The following SLC44A2 variants were observed in gnomAD, a reference collection of about 807,000 sequenced individuals.
The protein encoded by SLC44A2 is solute carrier family 44 member 2 (CTL2 blood group), also known as choline transporter-like protein 2.
SLC44A2 carries 57 observed loss-of-function variants against 90.8 expected under a neutral mutation model. That is an observed-to-expected ratio of 0.63 (90% CI 0.51 to 0.78). The LOEUF (loss-of-function observed/expected upper bound fraction) is 0.78, where lower values mean the gene tolerates loss of function less well. Ranked by LOEUF, SLC44A2 falls within the 30% of genes least tolerant of loss-of-function variation. SLC44A2 has a pLI of 0.00. For missense variants in SLC44A2, 794 were observed against 919.7 expected, an observed-to-expected ratio of 0.86 and a Z score of 1.77; for synonymous variants, 355 against 360.7, an observed-to-expected ratio of 0.98 and a Z score of 0.18.
intron 20 of SLC44A2, among the ~76,000 whole-genome samples, chr19:10,640,052 GGC>G (rs2067098647): frequency 6.6e-6 from 1 of 151,084 alleles, no homozygotes; most frequent in African/African-American, 2.4e-5. Context: ...AGTAATCTTG[GGC>G]AAATTATTTA....
At chr19:10,629,203 CAA>C (rs750866963) in intron 4 of SLC44A2, among the ~76,000 whole-genome samples, 11 of 115,500 alleles carry the variant, frequency 9.5e-5, no homozygotes, top group Admixed American at 8.8e-5. Context: ...GACTCCATCT[CAA>C]AAAAAAAAAA....
intron 4 of SLC44A2, among the ~76,000 whole-genome samples, 158 bp from the exon 5 acceptor site, chr19:10,630,899 G>A (rs2066986631): frequency 6.6e-6 from 1 of 151,144 alleles, no homozygotes; most frequent in African/African-American, 2.4e-5. Context: ...CAGCTACTCG[G>A]GAGGCTGAGG....
intron 10 of SLC44A2, among the ~76,000 whole-genome samples, chr19:10,634,502 A>G (rs574480838): frequency 2.0e-5 from 3 of 151,344 alleles, no homozygotes; most frequent in Non-Finnish European, 4.4e-5. Context: ...AGACCATGGC[A>G]GCATATGATT....
intron 1 of SLC44A2, among the ~76,000 whole-genome samples, chr19:10,617,946 T>C (rs1010399647): frequency 1.3e-5 from 2 of 152,208 alleles, no homozygotes; most frequent in African/African-American, 4.8e-5. Flanking sequence ...TATTCTCTTA[T>C]GCTTTCCCTT....
At chr19:10,610,631 C>CTTTTTTTTTTTTTT (rs56002726) in intron 1 of SLC44A2, among the ~76,000 whole-genome samples, 3 of 48,014 alleles carry the variant, frequency 6.2e-5, no homozygotes, top group African/African-American at 2.8e-4. Flanking sequence ...CCGCGCCTGG[C>CTTTTTTTTTTTTTT]TTTTTTTTTT....
intron 20 of SLC44A2, among the ~76,000 whole-genome samples, chr19:10,640,880 A>T (rs2067108000): frequency 6.6e-6 from 1 of 151,458 alleles, no homozygotes; most frequent in Admixed American, 6.6e-5. Context: ...ACGTCAGGAG[A>T]TTGAGACCAT....
upstream of SLC44A2, chr19:10,625,420 G>T: frequency 8.4e-7 from 1 of 1,185,086 alleles, no homozygotes; most frequent in Non-Finnish European, 1.1e-6. Flanking sequence ...TGAGTGGCGG[G>T]AGCAGCTGCA....
At chr19:10,623,494 T>TAATG (rs1381375693), upstream of SLC44A2, among the ~76,000 whole-genome samples, 1 of 152,088 alleles carries the variant, frequency 6.6e-6, no homozygotes, top group East Asian at 1.9e-4. Flanking sequence ...ACCACCTGTA[T>TAATG]AATGCCATGT....
At chr19:10,631,429 A>G in intron 6 of SLC44A2, 44 bp downstream of exon 6, 1 of 1,614,012 alleles carries the variant, frequency 6.2e-7, no homozygotes, top group Non-Finnish European at 8.5e-7. Flanking sequence ...GGGCAGTGGC[A>G]GTGTACTAGA....
In SLC44A2 at chr19:10,607,540, G is replaced by C. The variant is rs530940348; in HGVS notation, c.31+4979G>C. 1.9e-4 allele frequency among the ~76,000 whole-genome samples: 25 copies of C among 134,446 alleles called. No individual in the cohort carries two copies. The South Asian group carries it at 3.0e-3, about 16-fold the overall frequency. The allele number at this position is 134,446 out of a possible 152,430, so 88.2% of individuals were successfully genotyped here. On this transcript the variant is annotated intron_variant, in intron 1 of 21. Transcript: ENST00000407327. ...TAATTTTTTTTTTTTTTTTTTTTTA[G>C]AGGCAGGGTCTCACCATGTTGCCCA...
At chr19:10,608,759 C>T (rs890042263) in intron 1 of SLC44A2, among the ~76,000 whole-genome samples, 1 of 151,646 alleles carries the variant, frequency 6.6e-6, no homozygotes, top group Non-Finnish European at 1.5e-5. Flanking sequence ...AAGCAATTCT[C>T]CTGCCTCAGC....
intron 1 of SLC44A2, among the ~76,000 whole-genome samples, chr19:10,603,365 G>A (rs1918015072): frequency 6.6e-6 from 1 of 152,030 alleles, no homozygotes; most frequent in Non-Finnish European, 1.5e-5. Context: ...CTCCATTTTG[G>A]GTCCCCAAGA....
intron 1 of SLC44A2, among the ~76,000 whole-genome samples, chr19:10,612,041 CTG>C (rs1320389414): frequency 6.6e-6 from 1 of 151,860 alleles, no homozygotes; most frequent in Non-Finnish European, 1.5e-5. Flanking sequence ...CTATTAATTT[CTG>C]TGTGTGTGTG....
chr19:10,621,422 G>GTTTTTTTTT (rs34643212), upstream of SLC44A2, among the ~76,000 whole-genome samples: 25 of 89,380 alleles, frequency 2.8e-4, no homozygotes, highest in Middle Eastern at 7.0e-3. Context: ...ATGGTTGGGT[G>GTTTTTTTTT]TTTTTTTTTT....
upstream of SLC44A2, among the ~76,000 whole-genome samples, chr19:10,623,839 A>G (rs1048207490): frequency 2.0e-5 from 3 of 151,774 alleles, no homozygotes; most frequent in African/African-American, 7.3e-5. Context: ...ACAGGTGCCC[A>G]CCACCACACC....
At chr19:10,615,383 G>A (rs2066847083) in intron 1 of SLC44A2, among the ~76,000 whole-genome samples, 1 of 152,014 alleles carries the variant, frequency 6.6e-6, no homozygotes, top group African/African-American at 2.4e-5. Flanking sequence ...AGACCAGCCT[G>A]GCCAACATGG....
At chr19:10,625,429 C>A, upstream of SLC44A2, 1 of 1,192,638 alleles carries the variant, frequency 8.4e-7, no homozygotes, top group Non-Finnish European at 1.0e-6. Flanking sequence ...GGAGCAGCTG[C>A]AGCCCCGCCC....
At chr19:10,632,431 G>T (rs1020845223) in intron 10 of SLC44A2, among the ~76,000 whole-genome samples, 2 of 151,194 alleles carry the variant, frequency 1.3e-5, no homozygotes, top group Admixed American at 6.6e-5. Context: ...AGCTACTCAG[G>T]AGGCTGAGGC....
intron 20 of SLC44A2, among the ~76,000 whole-genome samples, chr19:10,640,273 T>C (rs1199190821): frequency 1.3e-5 from 2 of 152,078 alleles, no homozygotes; most frequent in Non-Finnish European, 2.9e-5. Flanking sequence ...GTATTTTTAG[T>C]AGAGACGGGG....
Sources: allele counts gnomAD v4.1 joint callset (sites outside exome capture counted in the v4.1 genomes callset), GRCh38; gene constraint gnomAD v4.1.1; transcripts MANE v1.5; gene names NCBI Gene and HGNC (gene_info 2026-07-23, HGNC 2026-07-21).